DCAF8L2: variants seen among roughly 807,000 people sequenced by gnomAD.
DCAF8L2 encodes the protein DDB1- and CUL4-associated factor 8-like protein 2.
For synonymous variants in DCAF8L2, 200 were observed against 190.9 expected (o/e 1.05, Z -0.39); for missense variants, 430 against 490.7 (o/e 0.88, Z 1.17).
At chrX:27,506,685 T>C in the DCAF8L2 span, among the ~76,000 whole-genome samples, 15 of 111,217 alleles carry the variant, frequency 1.3e-4, no homozygotes, top group Admixed American at 2.9e-4. Flanking sequence ...CAGATTTCCC[T>C]TTTCTTTTTA....
At chrX:27,694,389 C>T (rs1930820657) in intron 3 of DCAF8L2, among the ~76,000 whole-genome samples, 1 of 111,463 alleles carries the variant, frequency 9.0e-6, no homozygotes, top group South Asian at 3.7e-4. Context: ...TAATAATTTC[C>T]TCTATTTTTA....
At chrX:27,645,341 G>T (rs924596781) in intron 2 of DCAF8L2, among the ~76,000 whole-genome samples, 6 of 111,440 alleles carry the variant, frequency 5.4e-5, no homozygotes, top group African/African-American at 2.0e-4. Context: ...CTCAATAGAC[G>T]CAGAAAAGGC....
chrX:27,540,439 G>A, the DCAF8L2 span, among the ~76,000 whole-genome samples: 2 of 111,107 alleles, frequency 1.8e-5, no homozygotes, highest in Non-Finnish European at 1.9e-5. Flanking sequence ...TGAGCTCGGA[G>A]GACATTATAT....
intron 1 of DCAF8L2, among the ~76,000 whole-genome samples, chrX:27,604,119 G>T (rs1452425133): frequency 9.0e-6 from 1 of 110,981 alleles, no homozygotes; most frequent in Non-Finnish European, 1.9e-5. Context: ...ACAGCCTTTT[G>T]CATTCACATA....
chrX:27,475,963 G>T, the DCAF8L2 span, among the ~76,000 whole-genome samples: 1 of 111,059 alleles, frequency 9.0e-6, no homozygotes, highest in Non-Finnish European at 1.9e-5. Context: ...CTTATGCCTG[G>T]GAAGGGAAAC....
At chrX:27,715,366 C>CAAA (rs35269496) in intron 3 of DCAF8L2, among the ~76,000 whole-genome samples, 37 of 56,940 alleles carry the variant, frequency 6.5e-4, no homozygotes, top group Middle Eastern at 0.012. Context: ...GACTCCGTCT[C>CAAA]AAAAAAAAAA....
At chrX:27,701,175 A>G (rs1931116107) in intron 3 of DCAF8L2, among the ~76,000 whole-genome samples, 1 of 111,343 alleles carries the variant, frequency 9.0e-6, no homozygotes, top group South Asian at 3.7e-4. Flanking sequence ...TTAATTCAAC[A>G]CCAAGATCCT....
At chrX:27,476,807 G>T in the DCAF8L2 span, among the ~76,000 whole-genome samples, 1 of 111,873 alleles carries the variant, frequency 8.9e-6, no homozygotes, top group Non-Finnish European at 1.9e-5. Flanking sequence ...TACCATCTGT[G>T]CTACTTTTTT....
intron 2 of DCAF8L2, among the ~76,000 whole-genome samples, chrX:27,662,879 G>A (rs1214218351): frequency 9.0e-6 from 1 of 111,325 alleles, no homozygotes; most frequent in East Asian, 2.8e-4. Flanking sequence ...GAAGTTCAGT[G>A]TACCTTTCAT....
chrX:27,615,045 T>G (rs979520967), intron 1 of DCAF8L2, among the ~76,000 whole-genome samples: 2 of 111,332 alleles, frequency 1.8e-5, no homozygotes, highest in African/African-American at 6.5e-5. Context: ...ATCTCTGCAT[T>G]TTTGGGTCAT....
intron 1 of DCAF8L2, among the ~76,000 whole-genome samples, chrX:27,596,309 C>A (rs934259577): frequency 2.7e-5 from 3 of 111,247 alleles, no homozygotes; most frequent in Admixed American, 9.6e-5. Context: ...GGTAAGAGAG[C>A]AATATTCTAG....
chrX:27,567,569 ATATATATATATATATATG>A, the DCAF8L2 span, among the ~76,000 whole-genome samples: 1 of 91,112 alleles, frequency 1.1e-5, no homozygotes, highest in African/African-American at 4.0e-5. Context: ...ATATATATAT[ATATATATATATATATATG>A]AAAACAGTGT....
At chrX:27,517,150 AAACT>A in the DCAF8L2 span, among the ~76,000 whole-genome samples, 1 of 112,043 alleles carries the variant, frequency 8.9e-6, no homozygotes, top group South Asian at 3.7e-4. Flanking sequence ...TGGATTAAAA[AAACT>A]AACCACCAGC....
At chrX:27,548,773 C>T in the DCAF8L2 span, among the ~76,000 whole-genome samples, 1 of 111,823 alleles carries the variant, frequency 8.9e-6, no homozygotes, top group African/African-American at 3.2e-5. Flanking sequence ...ATCTCTATCT[C>T]CATGTCATTT....
rs758039182 is a variant in DCAF8L2, at chrX:27,614,454, C to T, written c.-341-17425C>T. Among the ~76,000 whole-genome samples, 14 of 111,405 alleles carry T rather than the reference C, an allele frequency of 1.3e-4. No homozygotes were observed. In the South Asian group the frequency reaches 5.4e-3, roughly 43 times the overall value. On this transcript the variant is annotated intron_variant, in intron 1 of 4. Transcript: ENST00000451261. Reference sequence around the variant, plus strand: ...GGGTTTTTTGTGTCTCTATCTCCTTCAGTTCTGCTCTGATCTTAGTTATTT... The same window carrying T: ...GGGTTTTTTGTGTCTCTATCTCCTTTAGTTCTGCTCTGATCTTAGTTATTT...
At chrX:27,737,011 T>C (rs1921560242) in intron 4 of DCAF8L2, among the ~76,000 whole-genome samples, 1 of 111,846 alleles carries the variant, frequency 8.9e-6, no homozygotes, top group Non-Finnish European at 1.9e-5. Context: ...GCCAATCTCC[T>C]TATTAAATTT....
intron 1 of DCAF8L2, among the ~76,000 whole-genome samples, chrX:27,606,664 C>A (rs1926920784): frequency 9.2e-6 from 1 of 108,857 alleles, no homozygotes; most frequent in Non-Finnish European, 1.9e-5. Context: ...AGCCACCGTG[C>A]CTGGCCAATT....
the DCAF8L2 span, among the ~76,000 whole-genome samples, chrX:27,489,019 G>A: frequency 2.4e-4 from 27 of 111,170 alleles, no homozygotes; most frequent in Admixed American, 1.9e-3. Context: ...GATTCTTTAG[G>A]CACTTCTGGG....
chrX:27,531,010 G>C, the DCAF8L2 span, among the ~76,000 whole-genome samples: 4 of 111,531 alleles, frequency 3.6e-5, no homozygotes, highest in Non-Finnish European at 7.5e-5. Context: ...AATTTCTTAT[G>C]CTAAATCACA....
Sources: allele counts gnomAD v4.1 joint callset (sites outside exome capture counted in the v4.1 genomes callset), GRCh38; gene constraint gnomAD v4.1.1; transcripts MANE v1.5; gene names NCBI Gene and HGNC (gene_info 2026-07-23, HGNC 2026-07-21).